ANXA4: variants seen among roughly 807,000 people sequenced by gnomAD.
ANXA4 encodes the protein 35-beta calcimedin.
In ANXA4, 39 loss-of-function variants were observed where a neutral mutation model predicts 49.8. The observed-to-expected ratio is 0.78, with a 90% CI of 0.61 to 1.02. The LOEUF (loss-of-function observed/expected upper bound fraction) is 1.02. Among genes scored for constraint, ANXA4 ranks in the 50% least tolerant of loss-of-function variants. ANXA4 has a pLI of 0.00. For missense variants in ANXA4, 360 were observed against 410.1 expected (o/e 0.88, Z 1.05); for synonymous variants, 134 against 152.5 (o/e 0.88, Z 0.89).
In ANXA4 at chr2:69,706,292, C is replaced by CTT. The variant is rs916740716; in HGVS notation, n.767-14454_767-14453dup. On this transcript the variant is annotated intron_variant and non_coding_transcript_variant, in intron 2 of 3. Transcript: ENST00000418066. ...ATATAGTAGCACATTGGTACAATTC[C>CTT]TTTTTTTTTTTTTTTTTTTTTTTTT... Among the ~76,000 whole-genome samples the CTT allele has an allele frequency of 7.4e-3, 441 of 59,316 alleles. 116 individuals are homozygous for CTT. The highest frequency in any genetic ancestry group is 9.7e-3 in the Non-Finnish European group (328 of 33,982). 38.9% of individuals were successfully genotyped at this position (59,316 alleles called of 152,430 possible). A position where few individuals can be genotyped will look rare whatever the true frequency, so the allele number is the denominator to read the frequency against.
chr2:69,704,462 C>G (rs548207196), intron 2 of ANXA4, among the ~76,000 whole-genome samples: 5 of 152,268 alleles, frequency 3.3e-5, no homozygotes, highest in African/African-American at 1.2e-4. Context: ...CTGGTCTGGG[C>G]CAACTCGGTT....
upstream of ANXA4, among the ~76,000 whole-genome samples, chr2:69,737,017 G>T (rs575575301): frequency 5.6e-4 from 85 of 151,890 alleles, no homozygotes; most frequent in African/African-American, 2.0e-3. Context: ...TGGCCAGGCT[G>T]GTCTTGAACT....
At chr2:69,759,008 T>C (rs989408913) in intron 1 of ANXA4, among the ~76,000 whole-genome samples, 12 of 151,878 alleles carry the variant, frequency 7.9e-5, no homozygotes, top group Non-Finnish European at 1.8e-4. Flanking sequence ...TGGTGACGCA[T>C]GCCTGTAATC....
chr2:69,754,666 A>G (rs1224867057), intron 1 of ANXA4, among the ~76,000 whole-genome samples: 6 of 152,182 alleles, frequency 3.9e-5, no homozygotes, highest in Non-Finnish European at 2.9e-5. Context: ...GTCCCAGGTG[A>G]TGGTGATGCT....
chr2:69,732,123 G>T (rs906818521), intron 3 of ANXA4, among the ~76,000 whole-genome samples: 69 of 151,620 alleles, frequency 4.6e-4, no homozygotes, highest in African/African-American at 1.6e-3. Context: ...GACTACAGGC[G>T]CCCGCCACCA....
chr2:69,759,693 G>A (rs1671196500), intron 1 of ANXA4, among the ~76,000 whole-genome samples: 1 of 152,032 alleles, frequency 6.6e-6, no homozygotes, highest in African/African-American at 2.4e-5. Context: ...TGACTGTCCA[G>A]GATGCATACT....
At position 69,825,448 on chromosome 2, in the gene ANXA4, T is replaced by C. The variant is rs1379004841; in HGVS notation, c.907-8T>C. ...CTATTTATCTAACTTTGCTTCCCTA[T>C]CGAACAGGGTGACACATCTGGAGAC... is the stretch of plus-strand genomic sequence containing the variant. On this transcript the variant is annotated splice_region_variant and splice_polypyrimidine_tract_variant and intron_variant, in intron 12 of 12. Coordinates refer to ENST00000394295, the MANE Select transcript of ANXA4 (RefSeq NM_001153.5). 3.1e-6 allele frequency: 5 copies of C among 1,604,416 alleles called. No individual in the cohort carries two copies. In the African/African-American group the frequency reaches 6.7e-5, roughly 22 times the overall value.
At chr2:69,746,827 G>GA (rs60256709) in intron 1 of ANXA4, among the ~76,000 whole-genome samples, 3 of 147,168 alleles carry the variant, frequency 2.0e-5, no homozygotes, top group African/African-American at 7.5e-5. Flanking sequence ...ACAAACAAAT[G>GA]AAAAAAAAAA....
At chr2:69,652,614 T>C (rs1422221492) in intron 1 of ANXA4, among the ~76,000 whole-genome samples, 2 of 152,078 alleles carry the variant, frequency 1.3e-5, no homozygotes, top group African/African-American at 4.8e-5. Flanking sequence ...ATCCCAGCAC[T>C]TTGGGAGGCT....
intron 3 of ANXA4, among the ~76,000 whole-genome samples, chr2:69,795,642 G>A (rs762064909): frequency 2.6e-5 from 4 of 152,156 alleles, no homozygotes; most frequent in Non-Finnish European, 4.4e-5. Flanking sequence ...TTTTTAAGGC[G>A]GATCTGAACT....
At chr2:69,822,701 T>C (rs1674294498) in intron 12 of ANXA4, among the ~76,000 whole-genome samples, 1 of 152,174 alleles carries the variant, frequency 6.6e-6, no homozygotes, top group African/African-American at 2.4e-5. Context: ...TTATGAAATA[T>C]GTAGAATAGG....
At chr2:69,766,203 G>A (rs1331095227) in intron 1 of ANXA4, among the ~76,000 whole-genome samples, 1 of 152,196 alleles carries the variant, frequency 6.6e-6, no homozygotes, top group Admixed American at 6.5e-5. Flanking sequence ...TGTTTTTCAT[G>A]TGGGTAGATT....
upstream of ANXA4, among the ~76,000 whole-genome samples, chr2:69,644,165 T>TTCCCCCCCCCCCC (rs1553424953): frequency 4.7e-5 from 1 of 21,116 alleles, no homozygotes; most frequent in Non-Finnish European, 1.3e-4. Flanking sequence ...ACAACTAAGT[T>TTCCCCCCCCCCCC]CCCCCCCCCC....
At chr2:69,656,312 T>C (rs1406250233) in intron 2 of ANXA4, among the ~76,000 whole-genome samples, 131 of 78,902 alleles carry the variant, frequency 1.7e-3, no homozygotes, top group Middle Eastern at 6.7e-3. Flanking sequence ...TATGTATATA[T>C]GTATATATAT....
chr2:69,691,581 A>G (rs937100912), intron 2 of ANXA4, among the ~76,000 whole-genome samples: 29 of 149,392 alleles, frequency 1.9e-4, no homozygotes, highest in Admixed American at 5.4e-4. Flanking sequence ...ATGCACACAC[A>G]CACACACACA....
At chr2:69,766,080 C>T (rs1472778953) in intron 1 of ANXA4, among the ~76,000 whole-genome samples, 3 of 152,162 alleles carry the variant, frequency 2.0e-5, no homozygotes, top group African/African-American at 7.2e-5. Flanking sequence ...ATGCTTTTGT[C>T]AGAGGACAGA....
intron 2 of ANXA4, among the ~76,000 whole-genome samples, chr2:69,685,413 C>T (rs1410571310): frequency 6.6e-6 from 1 of 152,080 alleles, no homozygotes; most frequent in Non-Finnish European, 1.5e-5. Flanking sequence ...TTGTGGCACA[C>T]TGAATGAATT....
chr2:69,803,388 T>A (rs1673303492), intron 3 of ANXA4: 2 of 152,048 alleles, frequency 1.3e-5, no homozygotes, highest in South Asian at 4.1e-4. Context: ...CAACCCCCCA[T>A]ACAGCACAAA....
chr2:69,763,524 GA>G (rs1375683260), intron 1 of ANXA4, among the ~76,000 whole-genome samples: 2 of 152,112 alleles, frequency 1.3e-5, no homozygotes, highest in African/African-American at 4.8e-5. Flanking sequence ...ACCCAACAAG[GA>G]AAATGGTCTA....
Sources: allele counts gnomAD v4.1 joint callset (sites outside exome capture counted in the v4.1 genomes callset), GRCh38; gene constraint gnomAD v4.1.1; transcripts MANE v1.5; gene names NCBI Gene and HGNC (gene_info 2026-07-23, HGNC 2026-07-21).